Variants in BECN1 observed in about 807,000 individuals in gnomAD.
BECN1 encodes beclin 1.
BECN1 carries 15 observed loss-of-function variants against 60.1 expected under a neutral mutation model. The observed-to-expected ratio is 0.25, with a 90% CI of 0.17 to 0.38. The LOEUF (loss-of-function observed/expected upper bound fraction) is 0.38, where lower values mean the gene tolerates loss of function less well. BECN1 is among the 10% of genes least tolerant of loss of function. The pLI is 1.00. For synonymous variants in BECN1, 179 were observed against 201.8 expected (o/e 0.89, Z 0.96); for missense variants, 424 against 548.2 (o/e 0.77, Z 2.26).
At chr17:42,823,651 G>A in intron 2 of BECN1, 97 bp downstream of exon 2, 2 of 1,487,470 alleles carry the variant, frequency 1.3e-6, no homozygotes, top group Non-Finnish European at 9.1e-7. Context: ...CACACGATGA[G>A]TTTGTGGCAG....
At chr17:42,816,808 T>TA (rs1229549565) in intron 7 of BECN1, among the ~76,000 whole-genome samples, 1 of 139,796 alleles carries the variant, frequency 7.2e-6, no homozygotes, top group Non-Finnish European at 1.5e-5. Context: ...CCGTCTCTAC[T>TA]AAAAAAATAA....
chr17:42,823,840 T>G lies in BECN1; in HGVS notation c.38A>C (p.Gln13Pro). Residue 13 changes from glutamine to proline, a missense_variant, in exon 2 of 12, where the codon CAG becomes CCG. Transcript: ENST00000590099. ...GCAGCGCTGGCACACGAAGCTCACC[T>G]GCATGGTGCTGTTGTTGGACGTCTT... is the stretch of plus-strand genomic sequence containing the variant. ...GSKTSNNSTMQVSFVCQRCSQ... is the reference protein window; with the variant it reads ...GSKTSNNSTMPVSFVCQRCSQ... 6.2e-7 allele frequency: 1 copy of G among 1,614,126 alleles called. No homozygotes were observed. The highest frequency in any genetic ancestry group is 8.5e-7 in the Non-Finnish European group (1 of 1,180,002).
chr17:42,819,646 G>T (rs1323270116), intron 3 of BECN1, 37 bp from the exon 4 acceptor site: 6 of 1,599,954 alleles, frequency 3.8e-6, no homozygotes, highest in Non-Finnish European at 5.1e-6. Context: ...AACTCTGGCA[G>T]CTTAGAGGTA....
chr17:42,823,224 G>C (rs560793311), intron 2 of BECN1, among the ~76,000 whole-genome samples: 1 of 152,122 alleles, frequency 6.6e-6, no homozygotes, highest in African/African-American at 2.4e-5. Flanking sequence ...GAAACAGCAG[G>C]AGCAGAAAAT....
Position 42,818,672 on chromosome 17 carries a change from C to G in BECN1, c.360G>C (p.Gly120=), listed in dbSNP as rs1419081724. The G allele has an allele frequency of 6.2e-7, 1 of 1,614,160 alleles. No individual in the cohort carries two copies. Among genetic ancestry groups the G allele is most frequent in the Admixed American group, 1.7e-5 (1 of 60,018 alleles). ...GGCCCGACATGATGTCAAAAAGGTC[C>G]CCAGTGACCTGGAAGTGTGGGAGAG... ...ENLSRRLKVT[G]DLFDIMSGQT... The change falls in exon 6 of 12, where the codon GGG becomes GGC. Residue 120 remains glycine (G), a synonymous_variant. Transcript: ENST00000590099.
chr17:42,814,745 C>A (rs1245689684), intron 8 of BECN1, 72 bp from the exon 9 acceptor site: 1 of 1,571,644 alleles, frequency 6.4e-7, no homozygotes, highest in African/African-American at 1.3e-5. Flanking sequence ...CCCACTCTCA[C>A]CCCAAACCTA....
chr17:42,815,036 C>G, intron 8 of BECN1: 1 of 231,886 alleles, frequency 4.3e-6, no homozygotes, highest in Middle Eastern at 1.7e-3. Flanking sequence ...AACGATTCCA[C>G]CCCTTTACCC....
chr17:42,823,696 G>C, intron 2 of BECN1, 52 bp downstream of exon 2: 1 of 1,595,260 alleles, frequency 6.3e-7, no homozygotes, highest in South Asian at 1.1e-5. Flanking sequence ...TATCACCAAA[G>C]CTGCCCACCT....
intron 2 of BECN1, among the ~76,000 whole-genome samples, chr17:42,821,787 T>C (rs2055269508): frequency 6.6e-6 from 1 of 152,204 alleles, no homozygotes; most frequent in Admixed American, 6.5e-5. Context: ...AATGGAGGTG[T>C]AGACAACATA....
chr17:42,810,952 CATT>C, intron 11 of BECN1, 24 bp from the exon 12 acceptor site: 1 of 1,549,810 alleles, frequency 6.5e-7, no homozygotes, highest in Non-Finnish European at 8.7e-7. Context: ...GAGCAAAACT[CATT>C]AGTAACTGAG....
At chr17:42,816,781 G>A (rs552786327) in intron 7 of BECN1, among the ~76,000 whole-genome samples, 1 of 151,196 alleles carries the variant, frequency 6.6e-6, no homozygotes, top group African/African-American at 2.4e-5. Flanking sequence ...TGCCAGCCTG[G>A]CCAACATGGT....
intron 7 of BECN1, among the ~76,000 whole-genome samples, chr17:42,817,465 C>T (rs1333841857): frequency 6.6e-6 from 1 of 152,200 alleles, no homozygotes; most frequent in African/African-American, 2.4e-5. Flanking sequence ...CTCTATCCTT[C>T]ATTTCCACAA....
At chr17:42,818,058 A>C (rs973192439) in intron 7 of BECN1, among the ~76,000 whole-genome samples, 163 bp downstream of exon 7, 4 of 152,184 alleles carry the variant, frequency 2.6e-5, no homozygotes, top group Non-Finnish European at 5.9e-5. Flanking sequence ...TCTCCCAACA[A>C]ACCTCTAGAA....
intron 8 of BECN1, among the ~76,000 whole-genome samples, chr17:42,815,397 A>C (rs905936789): frequency 2.0e-5 from 3 of 151,922 alleles, no homozygotes; most frequent in Non-Finnish European, 4.4e-5. Context: ...CTATGGGGAA[A>C]CTCTCCATAT....
intron 5 of BECN1, 37 bp from the exon 6 acceptor site, chr17:42,818,717 A>G: frequency 6.2e-7 from 1 of 1,613,824 alleles, no homozygotes; most frequent in Middle Eastern, 1.7e-4. Context: ...GGCCTCCCCC[A>G]TGCTTCCTGC....
At chr17:42,823,507 G>A (rs2055316447) in intron 2 of BECN1, among the ~76,000 whole-genome samples, 1 of 152,184 alleles carries the variant, frequency 6.6e-6, no homozygotes, top group Non-Finnish European at 1.5e-5. Context: ...GCCCGCCTCG[G>A]TCTCCCAAAA....
At chr17:42,823,465 G>C (rs548979242) in intron 2 of BECN1, among the ~76,000 whole-genome samples, 1 of 152,252 alleles carries the variant, frequency 6.6e-6, no homozygotes, top group South Asian at 2.1e-4. Flanking sequence ...TGTTGGCCAG[G>C]CTGGTCTCGA....
intron 2 of BECN1, among the ~76,000 whole-genome samples, chr17:42,822,058 C>A (rs1159776898): frequency 6.6e-6 from 1 of 152,132 alleles, no homozygotes; most frequent in Non-Finnish European, 1.5e-5. Flanking sequence ...CAAAAATTAG[C>A]TGGGCGTGGC....
Position 42,814,579 on chromosome 17 carries a change from G to C in BECN1, c.925C>G (p.Gln309Glu), listed in dbSNP as rs1379188272. 1.2e-6 allele frequency: 2 copies of C among 1,614,062 alleles called. No individual in the cohort carries two copies. The highest frequency in any genetic ancestry group is 2.7e-5 in the African/African-American group (2 of 74,912). The stretch of plus-strand genomic sequence containing the variant: ...AGAGCATGGAGCAGCAACACAGTCT[G>C]GCCCCAAGCAGCATTAATCTCATTC... Reference protein sequence around the residue: ...EWNEINAAWGQTVLLLHALAN... With the variant: ...EWNEINAAWGETVLLLHALAN... Residue 309 changes from glutamine (Q) to glutamate (E), a missense_variant, in exon 9 of 12, where the codon CAG (glutamine) becomes GAG (glutamate). By Grantham distance (29) the Gln-to-Glu change is conservative. Transcript: ENST00000590099.
Sources: allele counts gnomAD v4.1 joint callset (sites outside exome capture counted in the v4.1 genomes callset), GRCh38; gene constraint gnomAD v4.1.1; transcripts MANE v1.5; gene names NCBI Gene and HGNC (gene_info 2026-07-23, HGNC 2026-07-21).